MTUS2: variants seen among roughly 807,000 people sequenced by gnomAD.
The protein encoded by MTUS2 is microtubule associated scaffold protein 2.
In MTUS2, 40 loss-of-function variants were observed where a neutral mutation model predicts 114.1. That is an observed-to-expected ratio of 0.35 (90% CI 0.27 to 0.46). MTUS2 has a LOEUF of 0.46. Among genes scored for constraint, MTUS2 ranks in the 20% least tolerant of loss-of-function variants. The pLI is 1.00. For synonymous variants in MTUS2, 688 were observed against 672.0 expected (o/e 1.02, Z -0.37); for missense variants, 1,679 against 1,705.4 (o/e 0.98, Z 0.27).
intron 4 of MTUS2, among the ~76,000 whole-genome samples, chr13:29,060,160 A>G (rs768257535): frequency 1.3e-5 from 2 of 152,238 alleles, no homozygotes; most frequent in Non-Finnish European, 2.9e-5. Context: ...CCCAAGCACC[A>G]TGACTGTGGC....
intron 2 of MTUS2, among the ~76,000 whole-genome samples, chr13:28,969,070 C>T (rs2138245562): frequency 6.6e-6 from 1 of 152,222 alleles, no homozygotes; most frequent in Non-Finnish European, 1.5e-5. Flanking sequence ...GAGATGGGAT[C>T]TTGCTCTGTT....
chr13:29,010,218 A>G (rs1885778193), intron 2 of MTUS2, among the ~76,000 whole-genome samples: 2 of 151,722 alleles, frequency 1.3e-5, no homozygotes, highest in South Asian at 4.2e-4. Context: ...CTCAAAAAAA[A>G]AAAAAAAAGC....
At chr13:29,203,518 AAT>A (rs1298687530) in intron 5 of MTUS2, among the ~76,000 whole-genome samples, 1 of 150,136 alleles carries the variant, frequency 6.7e-6, no homozygotes, top group Non-Finnish European at 1.5e-5. Flanking sequence ...CAGGGGAGTG[AAT>A]GGTTTTGTCT....
intron 6 of MTUS2, chr13:29,307,493 A>G (rs1378425596): frequency 6.3e-6 from 8 of 1,275,538 alleles, no homozygotes; most frequent in African/African-American, 2.9e-5. Flanking sequence ...CCCACTGCCA[A>G]CTTGTCAGTT....
At chr13:29,363,681 A>AT (rs1870461485) in intron 8 of MTUS2, among the ~76,000 whole-genome samples, 2 of 152,234 alleles carry the variant, frequency 1.3e-5, no homozygotes, top group South Asian at 4.1e-4. Flanking sequence ...GGGTATGTAT[A>AT]TTTTTTATAT....
At chr13:29,197,604 A>G (rs1026995068) in intron 5 of MTUS2, among the ~76,000 whole-genome samples, 3 of 152,094 alleles carry the variant, frequency 2.0e-5, no homozygotes, top group East Asian at 1.9e-4. Flanking sequence ...GTCAAATGGT[A>G]TTTCTGGTTC....
intron 11 of MTUS2, chr13:29,490,015 C>G (rs1881942135): frequency 6.6e-6 from 1 of 152,182 alleles, no homozygotes; most frequent in Admixed American, 6.5e-5. Flanking sequence ...CGAAGTCTCA[C>G]TCAGACACCA....
chr13:28,939,644 TAA>T (rs1882113916), intron 2 of MTUS2, among the ~76,000 whole-genome samples: 2 of 152,172 alleles, frequency 1.3e-5, no homozygotes, highest in South Asian at 2.1e-4. Context: ...TTTTTCCAAA[TAA>T]AATTTTAATT....
chr13:29,146,640 TAA>T (rs1423484642), intron 5 of MTUS2, among the ~76,000 whole-genome samples: 7 of 152,188 alleles, frequency 4.6e-5, no homozygotes, highest in Non-Finnish European at 7.4e-5. Flanking sequence ...ACACTTAAGA[TAA>T]ATAAATTATC....
intron 2 of MTUS2, among the ~76,000 whole-genome samples, chr13:28,907,459 A>G (rs1005353817): frequency 6.6e-6 from 1 of 151,594 alleles, no homozygotes; most frequent in South Asian, 2.1e-4. Context: ...GAGAGTGGCA[A>G]ATTGGATAAA....
intron 8 of MTUS2, among the ~76,000 whole-genome samples, chr13:29,369,155 T>G (rs1051655107): frequency 6.6e-6 from 1 of 152,156 alleles, no homozygotes; most frequent in Admixed American, 6.5e-5. Flanking sequence ...TACCCTAGAC[T>G]TTGGCAGTTT....
At chr13:29,182,530 G>A (rs971164377) in intron 5 of MTUS2, among the ~76,000 whole-genome samples, 1 of 152,120 alleles carries the variant, frequency 6.6e-6, no homozygotes, top group Non-Finnish European at 1.5e-5. Flanking sequence ...ATACATCCCT[G>A]TTACTCATTC....
chr13:29,289,608 A>G (rs1328997132), intron 6 of MTUS2, among the ~76,000 whole-genome samples: 1 of 151,790 alleles, frequency 6.6e-6, no homozygotes, highest in Non-Finnish European at 1.5e-5. Context: ...GATTACAGGC[A>G]CCCACCACTG....
At chr13:29,161,760 G>A (rs1025295437) in intron 5 of MTUS2, among the ~76,000 whole-genome samples, 1 of 152,184 alleles carries the variant, frequency 6.6e-6, no homozygotes, top group Non-Finnish European at 1.5e-5. Context: ...CTCAGCCCCT[G>A]CTCCCTGACC....
At chr13:29,384,553 T>G (rs576131624) in intron 8 of MTUS2, among the ~76,000 whole-genome samples, 109 of 152,344 alleles carry the variant, frequency 7.2e-4, no homozygotes, top group African/African-American at 2.4e-3. Flanking sequence ...AGTCTGGGTC[T>G]CTCAAGAGCT....
chr13:29,323,602 T>C (rs1029499113), intron 6 of MTUS2, among the ~76,000 whole-genome samples: 4 of 152,158 alleles, frequency 2.6e-5, no homozygotes, highest in African/African-American at 9.7e-5. Context: ...GAAAAAGATC[T>C]CCAAAAATGT....
At chr13:28,860,881 C>G (rs115971940) in intron 2 of MTUS2, among the ~76,000 whole-genome samples, 2 of 152,174 alleles carry the variant, frequency 1.3e-5, no homozygotes, top group Admixed American at 6.5e-5. Context: ...GCTGGACACC[C>G]GTGGCTTGGC....
chr13:29,414,763 G>C (rs1453679945), intron 8 of MTUS2, among the ~76,000 whole-genome samples: 1 of 151,836 alleles, frequency 6.6e-6, no homozygotes, highest in Non-Finnish European at 1.5e-5. Context: ...TTTCAAGTAA[G>C]TCTACTGGTT....
intron 8 of MTUS2, among the ~76,000 whole-genome samples, chr13:29,378,355 T>C (rs1871917547): frequency 1.3e-5 from 2 of 152,184 alleles, no homozygotes; most frequent in African/African-American, 4.8e-5. Flanking sequence ...TGTTATTGGC[T>C]TGAAATTTAC....
Sources: allele counts gnomAD v4.1 joint callset (sites outside exome capture counted in the v4.1 genomes callset), GRCh38; gene constraint gnomAD v4.1.1; transcripts MANE v1.5; gene names NCBI Gene and HGNC (gene_info 2026-07-23, HGNC 2026-07-21).